CLEC16A: variants seen among roughly 807,000 people sequenced by gnomAD.
CLEC16A encodes C-type lectin domain containing 16A, also known as protein CLEC16A.
Under a neutral mutation model 109.5 loss-of-function variants are expected in CLEC16A, and 51 were observed. The observed-to-expected ratio is 0.47, with a 90% CI of 0.37 to 0.59. The LOEUF (loss-of-function observed/expected upper bound fraction) is 0.59, where lower values mean the gene tolerates loss of function less well. Ranked by LOEUF, CLEC16A falls within the 20% of genes least tolerant of loss-of-function variation. The pLI, the probability that CLEC16A is intolerant of heterozygous loss-of-function variation, is 0.00. For missense variants in CLEC16A, 1,339 were observed against 1,394.0 expected (o/e 0.96, Z 0.63); for synonymous variants, 673 against 564.2 (o/e 1.19, Z -2.73).
chr16:11,083,768 C>G (rs1384599169), intron 19 of CLEC16A, among the ~76,000 whole-genome samples: 1 of 152,266 alleles, frequency 6.6e-6, no homozygotes, highest in Non-Finnish European at 1.5e-5. Flanking sequence ...CCACTTCCAG[C>G]CTCCTGCTGC....
intron 13 of CLEC16A, chr16:11,027,843 A>G (rs1318333465): frequency 2.0e-5 from 14 of 691,940 alleles, no homozygotes; most frequent in Non-Finnish European, 3.3e-5. Context: ...ATTTTTATCA[A>G]GTGTCTTCAG....
At chr16:11,113,133 G>T (rs2153006240) in intron 19 of CLEC16A, among the ~76,000 whole-genome samples, 1 of 152,290 alleles carries the variant, frequency 6.6e-6, no homozygotes, top group African/African-American at 2.4e-5. Flanking sequence ...ATGTCCCAAG[G>T]GTGCTGTCAG....
intron 13 of CLEC16A, among the ~76,000 whole-genome samples, chr16:11,029,980 C>T (rs921173852): frequency 1.3e-5 from 2 of 152,172 alleles, no homozygotes; most frequent in African/African-American, 2.4e-5. Flanking sequence ...CAGAGTCATG[C>T]AACATGTACT....
Position 10,961,024 on chromosome 16 carries a change from G to C in CLEC16A, c.210-1431G>C, listed in dbSNP as rs947759538. On this transcript the variant is annotated intron_variant, in intron 2 of 23. Coordinates refer to ENST00000409790, the MANE Select transcript of CLEC16A (RefSeq NM_015226.3). This position sits in a 1 kb window ranked among gnomAD's most constrained non-coding sequence, Gnocchi z 4.3. ...CCCTATGGAGTTTTAAAAAATCTAG[G>C]TTCATGGATTTTATGCTAGACCTAC... 6.6e-6 allele frequency among the ~76,000 whole-genome samples: 1 copy of C among 152,050 alleles called. No individual in the cohort carries two copies. The highest frequency in any genetic ancestry group is 6.5e-5 in the Admixed American group (1 of 15,270).
chr16:10,979,934 T>C (rs1414672536), intron 9 of CLEC16A, among the ~76,000 whole-genome samples: 2 of 152,200 alleles, frequency 1.3e-5, no homozygotes, highest in African/African-American at 4.8e-5. Context: ...TCAACAAGTG[T>C]GTTTCCTTCA....
chr16:11,144,077 G>T (rs557412172), intron 22 of CLEC16A, among the ~76,000 whole-genome samples: 9 of 152,182 alleles, frequency 5.9e-5, no homozygotes, highest in Non-Finnish European at 1.3e-4. Context: ...ACCTTGCCTT[G>T]AGAGTGCCTC....
At chr16:11,090,204 G>T (rs2050227967) in intron 19 of CLEC16A, among the ~76,000 whole-genome samples, 1 of 152,172 alleles carries the variant, frequency 6.6e-6, no homozygotes, top group Admixed American at 6.5e-5. Context: ...TCAGTCATGG[G>T]AGTGAGCTGT....
chr16:11,041,669 A>T (rs1476221635), intron 14 of CLEC16A: 1 of 152,580 alleles, frequency 6.6e-6, no homozygotes, highest in African/African-American at 2.4e-5. Flanking sequence ...GCCGATATAG[A>T]TTATAATGCT....
chr16:11,102,685 G>A (rs1350538434), intron 19 of CLEC16A, among the ~76,000 whole-genome samples: 2 of 152,222 alleles, frequency 1.3e-5, no homozygotes, highest in African/African-American at 4.8e-5. Flanking sequence ...CCTAGTAAGT[G>A]GCCCCACTGG....
chr16:11,065,340 C>A (rs1416848298), intron 19 of CLEC16A, among the ~76,000 whole-genome samples: 1 of 152,198 alleles, frequency 6.6e-6, no homozygotes, highest in Non-Finnish European at 1.5e-5. Flanking sequence ...GCAGCCTGTT[C>A]ATGTGGGCAC....
At position 10,961,999 on chromosome 16, in the gene CLEC16A, C is replaced by G. The variant is rs1178315930; in HGVS notation, c.210-456C>G. ...TTTTTTTTTGGCTCTGTCACCCAGG[C>G]TGGAGTGCAGTGGCCTGATCATATC... On this transcript the variant is annotated intron_variant, in intron 2 of 23. Coordinates refer to ENST00000409790, the MANE Select transcript of CLEC16A (RefSeq NM_015226.3). This position sits in a 1 kb window ranked among gnomAD's most constrained non-coding sequence, Gnocchi z 4.3. 7.1e-6 allele frequency among the ~76,000 whole-genome samples: 1 copy of G among 141,750 alleles called. No homozygotes were observed. Among genetic ancestry groups the G allele is most frequent in the Non-Finnish European group, 1.5e-5 (1 of 66,858 alleles). The allele number at this position is 141,750 out of a possible 152,430, so 93.0% of individuals were successfully genotyped here. A position where few individuals can be genotyped will look rare whatever the true frequency, so the allele number is the denominator to read the frequency against.
intron 19 of CLEC16A, among the ~76,000 whole-genome samples, chr16:11,107,545 G>A (rs908964329): frequency 2.0e-5 from 3 of 152,200 alleles, no homozygotes; most frequent in Non-Finnish European, 2.9e-5. Flanking sequence ...TCACACCCTC[G>A]GTGGGAACAG....
At chr16:11,027,472 A>G in intron 13 of CLEC16A, 3 of 1,582,180 alleles carry the variant, frequency 1.9e-6, no homozygotes, top group Non-Finnish European at 2.6e-6. Flanking sequence ...TCTGTCCGAG[A>G]ACTCATTTTG....
Position 11,091,144 on chromosome 16 carries a change from C to T in CLEC16A, c.2117-29471C>T, listed in dbSNP as rs76657038. ...GCCTAATCTCCTTTCTCCATAAAGA[C>T]GTGAGGTAAGCAGTTTTCCCTCCTG... On this transcript the variant is annotated intron_variant, in intron 19 of 23. Transcript: ENST00000409790. Among the ~76,000 whole-genome samples the T allele has an allele frequency of 3.3e-3, 503 of 152,314 alleles. 1 individual carries two copies. The highest frequency in any genetic ancestry group is 5.3e-3 in the Non-Finnish European group (361 of 68,022).
intron 23 of CLEC16A, among the ~76,000 whole-genome samples, chr16:11,172,749 C>T (rs1194610946): frequency 1.3e-5 from 2 of 151,920 alleles, no homozygotes; most frequent in Admixed American, 6.6e-5. Flanking sequence ...ATTAGCCAGG[C>T]GTGGTGGTAG....
chr16:10,948,454 G>T (rs975538580), intron 1 of CLEC16A, among the ~76,000 whole-genome samples: 1 of 152,194 alleles, frequency 6.6e-6, no homozygotes, highest in South Asian at 2.1e-4. Context: ...CACCATGGGT[G>T]GTTTATTGTC....
chr16:11,021,322 A>C (rs914263408), intron 12 of CLEC16A, among the ~76,000 whole-genome samples: 3 of 152,234 alleles, frequency 2.0e-5, no homozygotes, highest in Non-Finnish European at 2.9e-5. Flanking sequence ...GAGTACAAAG[A>C]CCTTTTAGAT....
chr16:11,134,277 C>G (rs1481829248), intron 22 of CLEC16A, among the ~76,000 whole-genome samples: 1 of 150,612 alleles, frequency 6.6e-6, no homozygotes, highest in African/African-American at 2.5e-5. Context: ...GGCTCCAACT[C>G]TAAGCATATT....
intron 23 of CLEC16A, among the ~76,000 whole-genome samples, chr16:11,170,513 T>A (rs1597626264): frequency 6.6e-6 from 1 of 152,324 alleles, no homozygotes; most frequent in East Asian, 1.9e-4. Flanking sequence ...CACCTTCCCG[T>A]GGGGACCTCA....
Sources: gnomAD v4.1 joint callset for allele counts (sites outside exome capture counted in the v4.1 genomes callset) on GRCh38, gnomAD v4.1.1 for gene constraint, Gnocchi (gnomAD v3.1) non-coding constraint, MANE v1.5 for transcripts, NCBI Gene and HGNC (gene_info 2026-07-23, HGNC 2026-07-21) for gene names.